LRRC37A2: variants seen among roughly 807,000 people sequenced by gnomAD.
LRRC37A2 encodes leucine-rich repeat-containing protein 37A2.
In LRRC37A2, 9 loss-of-function variants were observed where a neutral mutation model predicts 68.8. The observed-to-expected ratio is 0.13, with a 90% CI of 0.08 to 0.23. The LOEUF (loss-of-function observed/expected upper bound fraction) is 0.23, where lower values mean the gene tolerates loss of function less well. Ranked by LOEUF, LRRC37A2 falls within the 10% of genes least tolerant of loss-of-function variation. LRRC37A2 has a pLI of 1.00. For synonymous variants in LRRC37A2, 63 were observed against 367.6 expected (o/e 0.17, Z 9.48); for missense variants, 168 against 950.4 (o/e 0.18, Z 10.82).
the LRRC37A2 span, among the ~76,000 whole-genome samples, chr17:46,826,614 C>A: frequency 2.4e-3 from 360 of 152,292 alleles, 3 homozygotes; most frequent in African/African-American, 7.8e-3. Context: ...TATTATCTAA[C>A]CTCTCTGTAC....
chr17:47,003,243 CAAAAA>C, the LRRC37A2 span, among the ~76,000 whole-genome samples: 5 of 73,238 alleles, frequency 6.8e-5, no homozygotes, highest in Non-Finnish European at 1.0e-4. Flanking sequence ...AATAGAGACT[CAAAAA>C]AAAAAAAAAA....
At chr17:47,010,266 T>A in the LRRC37A2 span, among the ~76,000 whole-genome samples, 802 of 152,286 alleles carry the variant, frequency 5.3e-3, 2 homozygotes, top group Non-Finnish European at 8.5e-3. Flanking sequence ...GCTGAGCAGC[T>A]CCACCAGCTT....
the LRRC37A2 span, among the ~76,000 whole-genome samples, chr17:46,805,441 C>T: frequency 1.3e-5 from 2 of 151,966 alleles, no homozygotes; most frequent in Admixed American, 6.6e-5. Flanking sequence ...GGTGTGGTGG[C>T]GGGCGCCTAT....
the LRRC37A2 span, among the ~76,000 whole-genome samples, chr17:46,771,734 T>C: frequency 4.6e-5 from 6 of 129,990 alleles, no homozygotes; most frequent in Non-Finnish European, 6.7e-5. Context: ...GGCCGCGAAA[T>C]CCCCATTGAA....
chr17:46,863,489 A>G, the LRRC37A2 span, among the ~76,000 whole-genome samples: 1 of 152,208 alleles, frequency 6.6e-6, no homozygotes, highest in Non-Finnish European at 1.5e-5. Context: ...TGCGGAACTG[A>G]TGGTACTATA....
the LRRC37A2 span, among the ~76,000 whole-genome samples, chr17:46,971,795 C>T: frequency 6.6e-6 from 1 of 152,234 alleles, no homozygotes; most frequent in Admixed American, 6.5e-5. Context: ...GTGCACACCT[C>T]ACCAGGCCCC....
the LRRC37A2 span, among the ~76,000 whole-genome samples, chr17:46,783,646 C>T: frequency 2.0e-5 from 3 of 152,258 alleles, no homozygotes; most frequent in South Asian, 2.1e-4. Context: ...ACGGTCAGGG[C>T]GAGCGATCTC....
chr17:46,994,411 G>T, the LRRC37A2 span, among the ~76,000 whole-genome samples: 85 of 152,090 alleles, frequency 5.6e-4, 1 homozygote, highest in East Asian at 0.014. Context: ...TGCTGGTGGG[G>T]GTTGGGAGTT....
the LRRC37A2 span, chr17:47,017,384 C>T: frequency 6.6e-7 from 1 of 1,517,286 alleles, no homozygotes; most frequent in Non-Finnish European, 9.1e-7. Flanking sequence ...CTTCCCACTC[C>T]TCCCATTTCC....
chr17:46,922,075 A>C, the LRRC37A2 span, among the ~76,000 whole-genome samples: 1 of 152,242 alleles, frequency 6.6e-6, no homozygotes, highest in Non-Finnish European at 1.5e-5. Context: ...AAAGACCTGG[A>C]ACCAACCCAA....
the LRRC37A2 span, chr17:47,019,387 C>T: frequency 6.2e-6 from 10 of 1,611,062 alleles, no homozygotes; most frequent in Middle Eastern, 4.4e-4. Flanking sequence ...ACAATACCTA[C>T]TACAGAGGTT....
the LRRC37A2 span, among the ~76,000 whole-genome samples, chr17:46,977,170 C>G: frequency 6.6e-6 from 1 of 152,190 alleles, no homozygotes; most frequent in Non-Finnish European, 1.5e-5. Flanking sequence ...CCAAGCCTCT[C>G]CCTAATGAAA....
the LRRC37A2 span, among the ~76,000 whole-genome samples, chr17:47,009,014 C>A: frequency 6.6e-6 from 1 of 151,812 alleles, no homozygotes; most frequent in African/African-American, 2.4e-5. Context: ...TTACACATTT[C>A]TTTATTTTAT....
chr17:46,807,954 A>G, the LRRC37A2 span, among the ~76,000 whole-genome samples: 83 of 152,326 alleles, frequency 5.4e-4, 1 homozygote, highest in African/African-American at 1.9e-3. Context: ...AGTGAAATGA[A>G]CAATTGGCTG....
the LRRC37A2 span, among the ~76,000 whole-genome samples, chr17:46,998,262 T>C: frequency 6.6e-6 from 1 of 152,210 alleles, no homozygotes; most frequent in African/African-American, 2.4e-5. Flanking sequence ...TAGAGAAGGC[T>C]ACGGGGTATG....
chr17:46,972,997 GT>G, the LRRC37A2 span: 1 of 153,280 alleles, frequency 6.5e-6, no homozygotes, highest in African/African-American at 2.4e-5. Flanking sequence ...ACTTAGCCAG[GT>G]GGGAAAGTGT....
At chr17:46,800,942 T>C in the LRRC37A2 span, among the ~76,000 whole-genome samples, 5 of 151,982 alleles carry the variant, frequency 3.3e-5, no homozygotes, top group Non-Finnish European at 5.9e-5. Flanking sequence ...AGGCAGGGGG[T>C]AGCACAGAGG....
At chr17:46,476,401 G>T in the LRRC37A2 span, among the ~76,000 whole-genome samples, 6 of 86,214 alleles carry the variant, frequency 7.0e-5, no homozygotes, top group African/African-American at 1.9e-4. Context: ...TCTCCTCTAG[G>T]CTGGGCGCAG....
chr17:47,022,203 C>CTTTTTTT, the LRRC37A2 span, among the ~76,000 whole-genome samples: 4 of 43,860 alleles, frequency 9.1e-5, no homozygotes, highest in Non-Finnish European at 2.1e-4. Context: ...CAGGTTCTTA[C>CTTTTTTT]TTTGTCCTCT....
Sources: allele counts gnomAD v4.1 joint callset (sites outside exome capture counted in the v4.1 genomes callset), GRCh38; gene constraint gnomAD v4.1.1; transcripts MANE v1.5; gene names NCBI Gene and HGNC (gene_info 2026-07-23, HGNC 2026-07-21).